The following LINS1 variants were observed in gnomAD, a reference collection of about 807,000 sequenced individuals.
LINS1 encodes the protein lines homolog 1.
LINS1 carries 27 observed loss-of-function variants against 41.6 expected under a neutral mutation model. The ratio of observed to expected loss-of-function variants is 0.65; its 90% CI spans 0.48 to 0.89. The LOEUF (loss-of-function observed/expected upper bound fraction) is 0.89. Ranked by LOEUF, LINS1 falls within the 40% of genes least tolerant of loss-of-function variation. The pLI is 0.00. For synonymous variants in LINS1, 336 were observed against 312.9 expected, an observed-to-expected ratio of 1.07 and a Z score of -0.78; for missense variants, 955 against 884.1, an observed-to-expected ratio of 1.08 and a Z score of -1.02.
At chr15:100,586,946 G>T (rs929977572) in intron 1 of LINS1, among the ~76,000 whole-genome samples, 1 of 151,954 alleles carries the variant, frequency 6.6e-6, no homozygotes, top group African/African-American at 2.4e-5. Context: ...AGATCACGAG[G>T]TCAGGAGATC....
intron 1 of LINS1, among the ~76,000 whole-genome samples, chr15:100,594,628 T>G (rs1386476367): frequency 1.3e-5 from 2 of 152,198 alleles, no homozygotes; most frequent in Non-Finnish European, 2.9e-5. Flanking sequence ...TCAAGATTAC[T>G]TAAAATATTT....
Position 100,580,547 on chromosome 15 carries a change from A to T in LINS1, c.296T>A (p.Met99Lys). 6.2e-7 allele frequency: 1 copy of T among 1,614,082 alleles called. No individual in the cohort carries two copies. Among genetic ancestry groups the T allele is most frequent in the East Asian group, 2.2e-5 (1 of 44,888 alleles). ...MLLQLTVIKV[M>K]TTRILSVKTE... The stretch of plus-strand genomic sequence containing the variant: ...TTTGACAGACAATATCCGGGTTGTC[A>T]TCACTTTGATCACTGTTAACTGAAG... The change falls in exon 2 of 7, where the codon ATG (methionine) becomes AAG (lysine). Residue 99 changes from methionine to lysine, a missense_variant. Met to Lys is a moderately conservative substitution (Grantham distance 95). Transcript: ENST00000314742.
chr15:100,573,995 G>A lies in LINS1; in HGVS notation c.878C>T (p.Ala293Val), dbSNP rs766099130. 6.2e-7 allele frequency: 1 copy of A among 1,614,122 alleles called. No individual in the cohort carries two copies. Among genetic ancestry groups the A allele is most frequent in the South Asian group, 1.1e-5 (1 of 91,080 alleles). The part of the protein sequence containing the change: ...MLEVITWPIQ[A>V]FVKRKVIIFL... ...TATGATGACCTTCCTTTTAACAAAAGCCTGAATAGGCCAGGTAATAACTTC... is the reference window on the plus strand; with the variant it reads ...TATGATGACCTTCCTTTTAACAAAAACCTGAATAGGCCAGGTAATAACTTC... The change falls in exon 5 of 7, where the codon GCT (alanine) becomes GTT (valine). Residue 293 changes from alanine to valine, a missense_variant. Physicochemically the swap from Ala to Val is moderately conservative, Grantham distance 64 (BLOSUM62 0). Transcript: ENST00000314742.
rs925309119 is a variant in LINS1, at chr15:100,567,462, T to C, written c.*1776A>G. 2 of 152,250 alleles carry C rather than the reference T, an allele frequency of 1.3e-5. No homozygotes were observed. The highest frequency in any genetic ancestry group is 2.9e-5 in the Non-Finnish European group (2 of 68,042). 9.4% of individuals were successfully genotyped at this position (152,250 alleles called of 1,614,324 possible). ...TAGTCTTACATACATATTTTATACATGCACAAAAGCATATATATGAATGTG... is the reference window on the plus strand; with the variant it reads ...TAGTCTTACATACATATTTTATACACGCACAAAAGCATATATATGAATGTG... On this transcript the variant is annotated 3_prime_UTR_variant, in exon 7 of 7. Coordinates refer to ENST00000314742, the MANE Select transcript of LINS1 (RefSeq NM_001040616.3).
At chr15:100,584,633 TA>T (rs376803316) in intron 1 of LINS1, among the ~76,000 whole-genome samples, 89 of 152,202 alleles carry the variant, frequency 5.8e-4, no homozygotes, top group African/African-American at 2.1e-3. Context: ...ACTATCCTCT[TA>T]CAACATGCTT....
Position 100,567,449 on chromosome 15 carries a change from C to T in LINS1, c.*1789G>A, listed in dbSNP as rs1214817346. The T allele has an allele frequency of 6.6e-6, 1 of 152,214 alleles. No homozygotes were observed. The highest frequency in any genetic ancestry group is 1.5e-5 in the Non-Finnish European group (1 of 68,036). The allele number at this position is 152,214 out of a possible 1,614,324, so 9.4% of individuals were successfully genotyped here. On this transcript the variant is annotated 3_prime_UTR_variant, in exon 7 of 7. Coordinates refer to ENST00000314742, the MANE Select transcript of LINS1 (RefSeq NM_001040616.3). ...TGACTTTCTTATGTAGTCTTACATA[C>T]ATATTTTATACATGCACAAAAGCAT...
intron 1 of LINS1, among the ~76,000 whole-genome samples, chr15:100,593,091 G>A (rs1245243005): frequency 1.3e-5 from 2 of 152,218 alleles, no homozygotes. Flanking sequence ...TGGCCTGGGG[G>A]AATGTGTACT....
At chr15:100,576,196 G>A (rs1384186687) in intron 3 of LINS1, among the ~76,000 whole-genome samples, 3 of 152,118 alleles carry the variant, frequency 2.0e-5, no homozygotes, top group Non-Finnish European at 4.4e-5. Flanking sequence ...GAAGGAGATA[G>A]AGACACAAAA....
chr15:100,594,994 G>C (rs184242388), intron 1 of LINS1, among the ~76,000 whole-genome samples: 55 of 152,246 alleles, frequency 3.6e-4, no homozygotes, highest in Admixed American at 2.9e-3. Context: ...AAGGCACTGT[G>C]AATAAGGGTT....
intron 1 of LINS1, among the ~76,000 whole-genome samples, chr15:100,597,405 A>G (rs1199585756): frequency 6.6e-6 from 1 of 152,198 alleles, no homozygotes; most frequent in Admixed American, 6.5e-5. Flanking sequence ...AAGGCTTATT[A>G]GAACACAAAT....
intron 1 of LINS1, among the ~76,000 whole-genome samples, chr15:100,590,810 T>C (rs942148930): frequency 6.6e-6 from 1 of 152,184 alleles, no homozygotes; most frequent in African/African-American, 2.4e-5. Flanking sequence ...TATTTGATTT[T>C]AGGTGGTTTG....
At chr15:100,572,868 A>G (rs1159966209) in intron 5 of LINS1, 2 of 755,706 alleles carry the variant, frequency 2.6e-6, no homozygotes, top group Non-Finnish European at 3.2e-6. Context: ...CTAATTTTCA[A>G]TAATCTACAT....
intron 1 of LINS1, among the ~76,000 whole-genome samples, chr15:100,596,485 T>C (rs1008849072): frequency 6.6e-6 from 1 of 152,230 alleles, no homozygotes; most frequent in Non-Finnish European, 1.5e-5. Context: ...AATCAAGTTA[T>C]AGATAAAAGA....
In LINS1 at chr15:100,579,038, G is replaced by A. The variant is rs898754825; in HGVS notation, c.489+1225C>T. Among the ~76,000 whole-genome samples, 47 of 152,078 alleles carry A rather than the reference G, an allele frequency of 3.1e-4. 1 individual carries two copies. The highest frequency in any genetic ancestry group is 1.0e-3 in the African/African-American group (43 of 41,402). On this transcript the variant is annotated intron_variant, in intron 3 of 6. Transcript: ENST00000314742. The stretch of plus-strand genomic sequence containing the variant: ...CAGGGCCTGTTGTGGGGTAGGGGGA[G>A]GGGGAAGGGATAGCATTAGGAGATA...
At chr15:100,588,584 A>G (rs948559036) in intron 1 of LINS1, among the ~76,000 whole-genome samples, 16 of 152,232 alleles carry the variant, frequency 1.1e-4, no homozygotes, top group Non-Finnish European at 2.1e-4. Context: ...TGCAGGTCAG[A>G]TATTATGTTG....
intron 1 of LINS1, among the ~76,000 whole-genome samples, chr15:100,581,500 T>C (rs1222958457): frequency 6.6e-6 from 1 of 152,226 alleles, no homozygotes; most frequent in African/African-American, 2.4e-5. Flanking sequence ...GTTAGACTGC[T>C]ATATGGTCAA....
In LINS1 at chr15:100,573,926, CAG is replaced by C; in HGVS notation, c.945_946del (p.Cys316SerfsTer23). ...CATTAAGGCAGGCACAGATCCACGA[CAG>C]AGGTCTTCACCCACTTTACAGAGAA... On this transcript the variant is annotated frameshift_variant, in exon 5 of 7. Transcript: ENST00000314742. LOFTEE classifies it high-confidence loss of function. 6.2e-7 allele frequency: 1 copy of C among 1,614,230 alleles called. No individual in the cohort carries two copies. The highest frequency in any genetic ancestry group is 8.5e-7 in the Non-Finnish European group (1 of 1,180,036).
Position 100,573,732 on chromosome 15 carries a change from T to G in LINS1, c.1141A>C (p.Ile381Leu), listed in dbSNP as rs2037982067. 1 of 1,613,840 alleles carries G rather than the reference T, an allele frequency of 6.2e-7. No individual in the cohort carries two copies. Among genetic ancestry groups the G allele is most frequent in the Non-Finnish European group, 8.5e-7 (1 of 1,179,836 alleles). ...ATAACTAAGCTTGCTGCTCTAAGGA[T>G]CACATGATCTGGACTAGTGATAAGT... The part of the protein sequence containing the change: ...CELITSPDHV[I>L]LRAASLVIMK... Residue 381 changes from isoleucine (I) to leucine (L), a missense_variant, in exon 5 of 7, where the codon ATC (isoleucine) becomes CTC (leucine). Transcript: ENST00000314742.
intron 6 of LINS1, 155 bp from the exon 7 acceptor site, chr15:100,570,272 T>C: frequency 1.8e-6 from 1 of 569,488 alleles, no homozygotes; most frequent in Non-Finnish European, 2.9e-6. Context: ...CCCATTCCCT[T>C]CCCCATAAGC....
Sources: gnomAD v4.1 joint callset for allele counts (sites outside exome capture counted in the v4.1 genomes callset) on GRCh38, gnomAD v4.1.1 for gene constraint, MANE v1.5 for transcripts, NCBI Gene and HGNC (gene_info 2026-07-23, HGNC 2026-07-21) for gene names.